Variants in KCNK13 observed in about 807,000 individuals in gnomAD.
KCNK13 encodes potassium two pore domain channel subfamily K member 13.
A neutral mutation model predicts 23.4 loss-of-function variants in KCNK13; 12 were observed. That is an observed-to-expected ratio of 0.51 (90% CI 0.33 to 0.83). The LOEUF is 0.83. Ranked by LOEUF, KCNK13 falls within the 40% of genes least tolerant of loss-of-function variation. The pLI is 0.02. For missense variants in KCNK13, 463 were observed against 556.3 expected, an observed-to-expected ratio of 0.83 and a Z score of 1.69; for synonymous variants, 231 against 229.5, an observed-to-expected ratio of 1.01 and a Z score of -0.06.
chr14:90,160,261 A>G (rs917132479), intron 1 of KCNK13, among the ~76,000 whole-genome samples: 12 of 152,200 alleles, frequency 7.9e-5, no homozygotes. Context: ...TGCAAAGTTA[A>G]TGGAGTCTTC....
chr14:90,167,662 C>G (rs1452962120), intron 1 of KCNK13, among the ~76,000 whole-genome samples: 2 of 152,126 alleles, frequency 1.3e-5, no homozygotes, highest in Admixed American at 1.3e-4. Context: ...CCTGCTCATT[C>G]GCTGAGGCAG....
rs564589936 is a variant in KCNK13, at chr14:90,094,062, C to T, written c.334+31523C>T. 2.0e-5 allele frequency among the ~76,000 whole-genome samples: 3 copies of T among 152,222 alleles called. No homozygotes were observed. The East Asian group carries it at 5.8e-4, about 29-fold the overall frequency. On this transcript the variant is annotated intron_variant, in intron 1 of 1. Coordinates refer to ENST00000282146, the MANE Select transcript of KCNK13 (RefSeq NM_022054.4). ...CCATGGAGAAGGGTGAGACAGACATCTCTGAGGTCGTGCTGTCTGCATGGA... is the reference window on the plus strand; with the variant it reads ...CCATGGAGAAGGGTGAGACAGACATTTCTGAGGTCGTGCTGTCTGCATGGA...
chr14:90,120,365 A>T (rs1311110746), intron 1 of KCNK13, among the ~76,000 whole-genome samples: 1 of 152,208 alleles, frequency 6.6e-6, no homozygotes, highest in Non-Finnish European at 1.5e-5. Flanking sequence ...CTACTGTGTT[A>T]GTCCATTCTT....
chr14:90,085,993 G>A (rs971079988), intron 1 of KCNK13, among the ~76,000 whole-genome samples: 67 of 150,282 alleles, frequency 4.5e-4, no homozygotes, highest in East Asian at 1.9e-3. Context: ...ATGTTCATTC[G>A]TAGTTCTTGT....
intron 1 of KCNK13, among the ~76,000 whole-genome samples, chr14:90,120,669 G>T (rs540756826): frequency 6.6e-6 from 1 of 152,250 alleles, no homozygotes; most frequent in Admixed American, 6.5e-5. Flanking sequence ...TCCCTCCCAC[G>T]ATCTATGGGA....
At chr14:90,107,965 G>A (rs1385542550) in intron 1 of KCNK13, 12 of 728,730 alleles carry the variant, frequency 1.6e-5, no homozygotes, top group Non-Finnish European at 2.8e-5. Flanking sequence ...AACTGCTGAC[G>A]CGGCTAAAGC....
At position 90,062,241 on chromosome 14, in the gene KCNK13, C is replaced by T. The variant is rs1469395948; in HGVS notation, c.36C>T (p.His12=). Residue 12 remains histidine, a synonymous_variant, in exon 1 of 2, where the codon CAC becomes CAT. Transcript: ENST00000282146. The surrounding 1 kb of genome is among the most constrained non-coding windows in gnomAD (Gnocchi z 4.5). ...GGGGTTTCAGCTGGGGCCCGGGCCA[C>T]CTGAACGAGGACAACGCGCGCTTTC... The part of the protein sequence containing the change: ...AGRGFSWGPG[H]LNEDNARFLL... The T allele has an allele frequency of 2.0e-6, 3 of 1,531,860 alleles. No individual in the cohort carries two copies. Among genetic ancestry groups the T allele is most frequent in the Admixed American group, 3.8e-5 (2 of 52,714 alleles). 94.9% of individuals were successfully genotyped at this position (1,531,860 alleles called of 1,614,324 possible).
At chr14:90,097,919 A>G (rs1361946880) in intron 1 of KCNK13, among the ~76,000 whole-genome samples, 1 of 152,186 alleles carries the variant, frequency 6.6e-6, no homozygotes, top group Non-Finnish European at 1.5e-5. Flanking sequence ...GGGAAATGGG[A>G]CTGTTTAAAT....
chr14:90,118,854 T>C (rs191460975), intron 1 of KCNK13, among the ~76,000 whole-genome samples: 177 of 151,374 alleles, frequency 1.2e-3, no homozygotes, highest in African/African-American at 4.0e-3. Flanking sequence ...AATCCAGGAG[T>C]TGGTTTTTTG....
intron 1 of KCNK13, among the ~76,000 whole-genome samples, chr14:90,103,341 T>C (rs1420871316): frequency 1.3e-5 from 2 of 152,192 alleles, no homozygotes; most frequent in Non-Finnish European, 2.9e-5. Context: ...CTAAGTTCTT[T>C]GAGAAATCTC....
chr14:90,151,669 G>A (rs890911560), intron 1 of KCNK13, among the ~76,000 whole-genome samples: 1 of 152,114 alleles, frequency 6.6e-6, no homozygotes, highest in African/African-American at 2.4e-5. Context: ...TTTGTCGCCT[G>A]TGTTTTTGGA....
chr14:90,102,652 G>C (rs562729770), intron 1 of KCNK13, among the ~76,000 whole-genome samples: 4 of 152,242 alleles, frequency 2.6e-5, no homozygotes, highest in South Asian at 2.1e-4. Context: ...GTGCTTTTCC[G>C]CAGAGCTTCT....
At chr14:90,166,291 G>A (rs1429251234) in intron 1 of KCNK13, among the ~76,000 whole-genome samples, 1 of 152,230 alleles carries the variant, frequency 6.6e-6, no homozygotes, top group African/African-American at 2.4e-5. Flanking sequence ...GGTAACCGCT[G>A]CAAAATGATA....
intron 1 of KCNK13, among the ~76,000 whole-genome samples, chr14:90,155,127 G>A (rs1890179405): frequency 6.6e-6 from 1 of 152,198 alleles, no homozygotes; most frequent in Non-Finnish European, 1.5e-5. Context: ...AGAGGGATGG[G>A]AGTTTTGAGT....
At chr14:90,098,322 C>T (rs375390593) in intron 1 of KCNK13, among the ~76,000 whole-genome samples, 29 of 152,302 alleles carry the variant, frequency 1.9e-4, no homozygotes, top group Middle Eastern at 3.4e-3. Context: ...TCTTGGCTCT[C>T]ATTGCTTAGG....
intron 1 of KCNK13, among the ~76,000 whole-genome samples, chr14:90,125,836 A>C (rs1480935927): frequency 6.6e-6 from 1 of 152,118 alleles, no homozygotes; most frequent in African/African-American, 2.4e-5. Flanking sequence ...CATCCTAGGC[A>C]ACATGGTGAA....
At chr14:90,101,802 A>AAAAAAAAAAAAAAAAC (rs1889482903) in intron 1 of KCNK13, among the ~76,000 whole-genome samples, 2 of 150,104 alleles carry the variant, frequency 1.3e-5, no homozygotes, top group Non-Finnish European at 3.0e-5. Flanking sequence ...AAAAAAAAAA[A>AAAAAAAAAAAAAAAAC]AAAAAAAAAA....
At chr14:90,088,825 T>C (rs1889311425) in intron 1 of KCNK13, among the ~76,000 whole-genome samples, 2 of 152,206 alleles carry the variant, frequency 1.3e-5, no homozygotes, top group South Asian at 4.1e-4. Context: ...TCCTGTGCTA[T>C]TCTCATGATA....
At chr14:90,130,800 G>A (rs146174603) in intron 1 of KCNK13, among the ~76,000 whole-genome samples, 15,038 of 152,108 alleles carry the variant, frequency 0.099, 1,058 homozygotes, top group Admixed American at 0.25. Context: ...GGCAACAAGA[G>A]CGAAACTCCA....
Sources: gnomAD v4.1 joint callset for allele counts (sites outside exome capture counted in the v4.1 genomes callset) on GRCh38, gnomAD v4.1.1 for gene constraint, Gnocchi (gnomAD v3.1) non-coding constraint, MANE v1.5 for transcripts, NCBI Gene and HGNC (gene_info 2026-07-23, HGNC 2026-07-21) for gene names.